The following ANKRD22 variants were observed in gnomAD, a reference collection of about 807,000 sequenced individuals.
ANKRD22 encodes ankyrin repeat domain 22, also known as ankyrin repeat domain-containing protein 22.
In ANKRD22, 24 loss-of-function variants were observed where a neutral mutation model predicts 25.7. The ratio of observed to expected loss-of-function variants is 0.93; its 90% CI spans 0.68 to 1.31. The LOEUF (loss-of-function observed/expected upper bound fraction) is 1.31. Ranked by LOEUF, ANKRD22 falls within the 50% of genes most tolerant of loss-of-function variation. The probability of loss-of-function intolerance (pLI) is 0.00; values close to 1 mark genes in which losing one functional copy is unlikely to be tolerated. For missense variants in ANKRD22, 214 were observed against 227.1 expected (o/e 0.94, Z 0.37); for synonymous variants, 84 against 84.3 (o/e 1.00, Z 0.02).
intron 1 of ANKRD22, among the ~76,000 whole-genome samples, chr10:88,842,983 T>G (rs1405549070): frequency 1.3e-5 from 2 of 152,132 alleles, no homozygotes; most frequent in African/African-American, 2.4e-5. Flanking sequence ...GACAATTATT[T>G]TTTTCCTCTC....
rs1564600601 is a variant in ANKRD22, at chr10:88,820,648, T to C, written c.*2293A>G. ...AAATCCGACACTTACATTTACATTT[T>C]TTTTCTGTAAATTAAAGTACTTATT... On this transcript the variant is annotated 3_prime_UTR_variant, in exon 6 of 6. Transcript: ENST00000371930. 4.0e-6 allele frequency: 3 copies of C among 756,826 alleles called. No individual in the cohort carries two copies. The East Asian group carries it at 8.1e-5, about 21-fold the overall frequency. 46.9% of individuals were successfully genotyped at this position (756,826 alleles called of 1,614,324 possible).
intron 1 of ANKRD22, among the ~76,000 whole-genome samples, chr10:88,834,886 G>A (rs572666774): frequency 1.4e-4 from 21 of 152,080 alleles, no homozygotes; most frequent in African/African-American, 4.6e-4. Flanking sequence ...CCGAAATCGC[G>A]CCACTTCATT....
intron 1 of ANKRD22, among the ~76,000 whole-genome samples, chr10:88,851,036 AG>A (rs977196015): frequency 2.4e-4 from 37 of 152,304 alleles, no homozygotes; most frequent in African/African-American, 8.9e-4. Context: ...TACAAGTAAA[AG>A]TACCTCAGTA....
chr10:88,828,755 T>C, intron 2 of ANKRD22, 89 bp from the exon 3 acceptor site: 1 of 998,792 alleles, frequency 1.0e-6, no homozygotes, highest in East Asian at 2.5e-5. Flanking sequence ...TAGTTTGTGC[T>C]TTTTGTTTTT....
chr10:88,850,518 A>G (rs764515733), intron 1 of ANKRD22, among the ~76,000 whole-genome samples: 16 of 152,154 alleles, frequency 1.1e-4, no homozygotes, highest in East Asian at 3.9e-4. Flanking sequence ...TTTAAAAAGT[A>G]TACTTTTGTA....
At chr10:88,841,111 T>TA (rs932059822) in intron 1 of ANKRD22, among the ~76,000 whole-genome samples, 3 of 151,922 alleles carry the variant, frequency 2.0e-5, no homozygotes, top group South Asian at 2.1e-4. Context: ...GCCAGGAAGC[T>TA]AAAAAAACCC....
rs534567928 is a variant in ANKRD22, at chr10:88,851,658, G to C, written c.-51C>G. 9.3e-6 allele frequency: 15 copies of C among 1,605,294 alleles called. No individual in the cohort carries two copies. The East Asian group carries it at 3.1e-4, about 33-fold the overall frequency. ...CCTCTACAGCTCCTTGAATCTTCTG[G>C]AGGTATTTCTGATGAATATCAAAAT... is the stretch of plus-strand genomic sequence containing the variant. On this transcript the variant is annotated 5_prime_UTR_variant, in exon 1 of 6. Coordinates refer to ENST00000371930, the MANE Select transcript of ANKRD22 (RefSeq NM_144590.3).
At chr10:88,846,116 AC>A (rs776159157) in intron 1 of ANKRD22, among the ~76,000 whole-genome samples, 38 of 152,130 alleles carry the variant, frequency 2.5e-4, no homozygotes, top group Non-Finnish European at 4.7e-4. Flanking sequence ...CTCTGAAGGT[AC>A]TTTTTTTTGC....
At position 88,851,813 on chromosome 10, in the gene ANKRD22, C is replaced by A; in HGVS notation, c.-206G>T. 5.2e-6 allele frequency: 3 copies of A among 581,018 alleles called. No individual in the cohort carries two copies. The East Asian group carries it at 8.5e-5, about 16-fold the overall frequency. The allele number at this position is 581,018 out of a possible 1,614,324, so 36.0% of individuals were successfully genotyped here. ...GCAGCACACCTTCCAGAGAGCCCAG[C>A]CCAATGAAACAAAGGCACTGGTGTC... On this transcript the variant is annotated 5_prime_UTR_variant, in exon 1 of 6. Coordinates refer to ENST00000371930, the MANE Select transcript of ANKRD22 (RefSeq NM_144590.3).
chr10:88,834,551 C>A (rs1016815330), intron 1 of ANKRD22, among the ~76,000 whole-genome samples: 2 of 152,198 alleles, frequency 1.3e-5, no homozygotes, highest in African/African-American at 4.8e-5. Flanking sequence ...AGCTCTTTTT[C>A]TCTTTTCTCA....
intron 1 of ANKRD22, among the ~76,000 whole-genome samples, chr10:88,836,757 C>T (rs1254985126): frequency 6.6e-6 from 1 of 152,142 alleles, no homozygotes; most frequent in Non-Finnish European, 1.5e-5. Flanking sequence ...CCTTCTCCAA[C>T]CTGACCTAGA....
intron 1 of ANKRD22, among the ~76,000 whole-genome samples, chr10:88,850,005 G>GTTTT (rs769187545): frequency 7.2e-6 from 1 of 139,054 alleles, no homozygotes; most frequent in Non-Finnish European, 1.6e-5. Context: ...ATTGGGGGAA[G>GTTTT]TTTTTTTTTT....
rs149922838 is a variant in ANKRD22, at chr10:88,832,257, T to G, written c.22-231A>C. ...CCTAAGTTTTCTTGGCACACACTTA[T>G]GTCCATCAAATGGATGAATAAATAA... On this transcript the variant is annotated intron_variant, in intron 1 of 5. Coordinates refer to ENST00000371930, the MANE Select transcript of ANKRD22 (RefSeq NM_144590.3). Among the ~76,000 whole-genome samples, 3 of 152,270 alleles carry G rather than the reference T, an allele frequency of 2.0e-5. No individual in the cohort carries two copies. The South Asian group carries it at 6.2e-4, about 32-fold the overall frequency.
Position 88,840,405 on chromosome 10 carries a change from A to G in ANKRD22, c.22-8379T>C, listed in dbSNP as rs193237979. 3.7e-3 allele frequency among the ~76,000 whole-genome samples: 558 copies of G among 152,350 alleles called. 1 individual carries two copies. Among genetic ancestry groups the G allele is most frequent in the Middle Eastern group, 6.8e-3 (2 of 294 alleles). On this transcript the variant is annotated intron_variant, in intron 1 of 5. Coordinates refer to ENST00000371930, the MANE Select transcript of ANKRD22 (RefSeq NM_144590.3). Reference sequence around the variant, plus strand: ...GTTGTTATTTTAATAGTGTAGAAACATCTGAACAACTTGTACCACTATGGA... The same window carrying G: ...GTTGTTATTTTAATAGTGTAGAAACGTCTGAACAACTTGTACCACTATGGA...
intron 1 of ANKRD22, among the ~76,000 whole-genome samples, chr10:88,836,731 G>A (rs1481424416): frequency 6.6e-6 from 1 of 152,124 alleles, no homozygotes; most frequent in East Asian, 1.9e-4. Context: ...GGTTATACTG[G>A]TTATACATCC....
chr10:88,848,757 C>T (rs1231468567), intron 1 of ANKRD22, among the ~76,000 whole-genome samples: 1 of 152,166 alleles, frequency 6.6e-6, no homozygotes, highest in Non-Finnish European at 1.5e-5. Context: ...GATTGCTTGA[C>T]TTTCAGTCCA....
Position 88,822,510 on chromosome 10 carries a change from T to C in ANKRD22, c.*431A>G, listed in dbSNP as rs1457255240. 6.7e-6 allele frequency: 1 copy of C among 149,148 alleles called. No homozygotes were observed. Among genetic ancestry groups the C allele is most frequent in the Admixed American group, 6.9e-5 (1 of 14,476 alleles). 9.2% of individuals were successfully genotyped at this position (149,148 alleles called of 1,614,324 possible). Reference sequence around the variant, plus strand: ...GTTTCAGAAGATAACTCAGATCCTCTTCTTCAGGAAAGACTGAGTTTGGAA... The same window carrying C: ...GTTTCAGAAGATAACTCAGATCCTCCTCTTCAGGAAAGACTGAGTTTGGAA... On this transcript the variant is annotated 3_prime_UTR_variant, in exon 6 of 6. Transcript: ENST00000371930.
Position 88,851,752 on chromosome 10 carries a change from C to T in ANKRD22, c.-145G>A, listed in dbSNP as rs1844106990. On this transcript the variant is annotated 5_prime_UTR_variant, in exon 1 of 6. Coordinates refer to ENST00000371930, the MANE Select transcript of ANKRD22 (RefSeq NM_144590.3). Reference sequence around the variant, plus strand: ...GCAAGCTCCAGGAGTGCTTTTCTAGCAAACACCTGTCAGTGCTTTTCCAGC... The same window carrying T: ...GCAAGCTCCAGGAGTGCTTTTCTAGTAAACACCTGTCAGTGCTTTTCCAGC... 1.3e-5 allele frequency: 11 copies of T among 821,196 alleles called. No homozygotes were observed. Among genetic ancestry groups the T allele is most frequent in the Non-Finnish European group, 2.0e-5 (10 of 488,540 alleles). The allele number at this position is 821,196 out of a possible 1,614,324, so 50.9% of individuals were successfully genotyped here. A position where few individuals can be genotyped will look rare whatever the true frequency, so the allele number is the denominator to read the frequency against.
chr10:88,823,489 G>T, intron 4 of ANKRD22, 111 bp from the exon 5 acceptor site: 1 of 811,336 alleles, frequency 1.2e-6, no homozygotes, highest in South Asian at 1.6e-5. Flanking sequence ...CAACTAAGCA[G>T]AAAAATAGTC....
Sources: gnomAD v4.1 joint callset for allele counts (sites outside exome capture counted in the v4.1 genomes callset) on GRCh38, gnomAD v4.1.1 for gene constraint, MANE v1.5 for transcripts, NCBI Gene and HGNC (gene_info 2026-07-23, HGNC 2026-07-21) for gene names.